The following EDIL3 variants were observed in gnomAD, a reference collection of about 807,000 sequenced individuals.
EDIL3 encodes EGF like and discoidin domains 3, also known as EGF-like repeat and discoidin I-like domain-containing protein 3.
EDIL3 carries 37 observed loss-of-function variants against 67.4 expected under a neutral mutation model. The observed-to-expected ratio is 0.55, with a 90% confidence interval of 0.42 to 0.72. The LOEUF (loss-of-function observed/expected upper bound fraction) is 0.72, where lower values mean the gene tolerates loss of function less well. EDIL3 is among the 30% of genes least tolerant of loss of function. The pLI is 0.00. For synonymous variants in EDIL3, 195 were observed against 196.3 expected (o/e 0.99, Z 0.05); for missense variants, 527 against 586.3 (o/e 0.90, Z 1.04).
chr5:84,017,331 G>A (rs1745624894), intron 9 of EDIL3, among the ~76,000 whole-genome samples: 1 of 152,124 alleles, frequency 6.6e-6, no homozygotes, highest in African/African-American at 2.4e-5. Context: ...ACACAGAGAG[G>A]TTCCACAATG....
intron 1 of EDIL3, among the ~76,000 whole-genome samples, chr5:84,294,403 A>C (rs1745999180): frequency 6.6e-6 from 1 of 151,060 alleles, no homozygotes; most frequent in Non-Finnish European, 1.5e-5. Context: ...AAAAAAAAAA[A>C]AAAAAAATTA....
At chr5:84,034,165 T>A (rs62364189) in intron 9 of EDIL3, among the ~76,000 whole-genome samples, 17,471 of 152,252 alleles carry the variant, frequency 0.11, 1,521 homozygotes, top group African/African-American at 0.24. Flanking sequence ...GTTGCATCAA[T>A]TTTACTAAAA....
chr5:84,331,707 A>G (rs1455509483), intron 1 of EDIL3, among the ~76,000 whole-genome samples: 1 of 152,166 alleles, frequency 6.6e-6, no homozygotes, highest in Non-Finnish European at 1.5e-5. Flanking sequence ...TTTACCTTCA[A>G]AATATATTTT....
At chr5:84,290,336 G>C (rs1745888716) in intron 1 of EDIL3, among the ~76,000 whole-genome samples, 1 of 152,102 alleles carries the variant, frequency 6.6e-6, no homozygotes. Context: ...TCTTCCCAGT[G>C]CTGCTGCCCT....
intron 3 of EDIL3, among the ~76,000 whole-genome samples, chr5:84,215,524 T>G: frequency 6.6e-6 from 1 of 152,218 alleles, no homozygotes; most frequent in East Asian, 1.9e-4. Context: ...AGTGCTGGGA[T>G]TACAGGCGTG....
At chr5:84,238,665 G>GTTTTGT (rs3836847) in intron 2 of EDIL3, among the ~76,000 whole-genome samples, 2 of 101,106 alleles carry the variant, frequency 2.0e-5, no homozygotes, top group African/African-American at 3.8e-5. Context: ...AAAATTAAAT[G>GTTTTGT]TTTTTTTTTT....
intron 1 of EDIL3, among the ~76,000 whole-genome samples, chr5:84,299,388 T>G (rs956567051): frequency 6.6e-6 from 1 of 152,210 alleles, no homozygotes; most frequent in African/African-American, 2.4e-5. Context: ...AAGATATATG[T>G]AACCAATTAA....
At chr5:84,243,766 T>C (rs3797653) in intron 2 of EDIL3, among the ~76,000 whole-genome samples, 89,970 of 151,922 alleles carry the variant, frequency 0.59, 26,858 homozygotes, top group East Asian at 0.82. Flanking sequence ...TTGATTAAAA[T>C]AAAAAGAAGA....
chr5:84,072,607 AT>A (rs1443584677), intron 6 of EDIL3, among the ~76,000 whole-genome samples: 2 of 152,206 alleles, frequency 1.3e-5, no homozygotes, highest in African/African-American at 4.8e-5. Flanking sequence ...TAACTCAGCA[AT>A]TCTATTTAAA....
At chr5:84,300,960 T>C (rs551279504) in intron 1 of EDIL3, among the ~76,000 whole-genome samples, 13 of 123,420 alleles carry the variant, frequency 1.1e-4, no homozygotes, top group Middle Eastern at 4.6e-3. Context: ...ACACGTCTCA[T>C]AAAATATTTT....
At chr5:84,141,417 C>T (rs868785653) in intron 4 of EDIL3, among the ~76,000 whole-genome samples, 2 of 147,026 alleles carry the variant, frequency 1.4e-5, no homozygotes, top group African/African-American at 5.0e-5. Flanking sequence ...CATGACTCAC[C>T]CTTGTTTCCT....
chr5:84,249,684 A>G (rs1303265648), intron 2 of EDIL3, among the ~76,000 whole-genome samples: 1 of 152,118 alleles, frequency 6.6e-6, no homozygotes, highest in Non-Finnish European at 1.5e-5. Flanking sequence ...TTGAGTTGTA[A>G]AAGTTTATAC....
Position 83,942,662 on chromosome 5 carries a change from C to T in EDIL3, c.*757G>A, listed in dbSNP as rs1172330026. ...AAAATAAAACTGCAGATTTAATTAA[C>T]GAATATTAAATACAGATCAATCTAC... On this transcript the variant is annotated 3_prime_UTR_variant, in exon 11 of 11. Transcript: ENST00000296591. 4.0e-5 allele frequency: 6 copies of T among 151,736 alleles called. No homozygotes were observed. The East Asian group carries it at 5.8e-4, about 15-fold the overall frequency. 9.4% of individuals were successfully genotyped at this position (151,736 alleles called of 1,614,324 possible).
chr5:84,116,336 T>C (rs1178324051), intron 5 of EDIL3, among the ~76,000 whole-genome samples: 1 of 152,144 alleles, frequency 6.6e-6, no homozygotes, highest in Non-Finnish European at 1.5e-5. Flanking sequence ...CCTAGAAAAG[T>C]ATAGTAGATG....
chr5:84,349,267 T>C (rs34497037), intron 1 of EDIL3, among the ~76,000 whole-genome samples: 18,266 of 152,150 alleles, frequency 0.12, 1,140 homozygotes, highest in South Asian at 0.22. Context: ...TAGAGGAGTT[T>C]AATTGACAAT....
chr5:84,370,530 C>A (rs1332229386), intron 1 of EDIL3, among the ~76,000 whole-genome samples: 1 of 152,134 alleles, frequency 6.6e-6, no homozygotes, highest in African/African-American at 2.4e-5. Context: ...TTAAAAACAC[C>A]ACTAAGTACT....
chr5:84,305,627 C>T (rs142186980), intron 1 of EDIL3, among the ~76,000 whole-genome samples: 4,510 of 152,292 alleles, frequency 0.03, 107 homozygotes, highest in Non-Finnish European at 0.047. Context: ...CGCCTGTAAT[C>T]CCGGCATTTT....
chr5:84,326,196 G>A (rs571964293), intron 1 of EDIL3, among the ~76,000 whole-genome samples: 25 of 152,160 alleles, frequency 1.6e-4, no homozygotes, highest in African/African-American at 5.3e-4. Context: ...GTCCTCACGA[G>A]ATGAAGTCCT....
At chr5:84,355,133 G>C (rs776405707) in intron 1 of EDIL3, among the ~76,000 whole-genome samples, 94 of 152,194 alleles carry the variant, frequency 6.2e-4, no homozygotes, top group Non-Finnish European at 4.9e-4. Context: ...TCAAACGTAA[G>C]TTTGGTCTTT....
Sources: gnomAD v4.1 joint callset for allele counts (sites outside exome capture counted in the v4.1 genomes callset) on GRCh38, gnomAD v4.1.1 for gene constraint, MANE v1.5 for transcripts, NCBI Gene and HGNC (gene_info 2026-07-23, HGNC 2026-07-21) for gene names.